KANK1: variants seen among roughly 807,000 people sequenced by gnomAD.
KANK1 encodes KN motif and ankyrin repeat domain-containing protein 1.
A neutral mutation model predicts 106.2 loss-of-function variants in KANK1; 109 were observed. The ratio of observed to expected loss-of-function variants is 1.03; its 90% confidence interval spans 0.88 to 1.20. The LOEUF is 1.20. KANK1 is among the 50% of genes most tolerant of loss of function. KANK1 has a pLI of 0.00. For missense variants in KANK1, 2,399 were observed against 1,710.7 expected (o/e 1.40, Z -7.10); for synonymous variants, 873 against 652.2 (o/e 1.34, Z -5.16).
intron 1 of KANK1, among the ~76,000 whole-genome samples, chr9:576,477 C>T (rs562055304): frequency 6.6e-6 from 1 of 152,344 alleles, no homozygotes; most frequent in East Asian, 1.9e-4. Context: ...ATTTAGCCCT[C>T]ATGCCAATCA....
Position 710,937 on chromosome 9 carries a change from C to A in KANK1, c.171C>A (p.Thr57=), listed in dbSNP as rs573408914. 9 of 1,613,952 alleles carry A rather than the reference C, an allele frequency of 5.6e-6. No homozygotes were observed. In the African/African-American group the frequency reaches 1.2e-4, roughly 22 times the overall value. The change falls in exon 3 of 12, where the codon ACC becomes ACA. Residue 57 remains threonine, a synonymous_variant. Transcript: ENST00000382297. ...TGGATGACATACAGAAGGGAAATAC[C>A]ATCAAAAGACTGAACATCCAGAAGA... ...KYVDDIQKGN[T]IKRLNIQKRR...
At chr9:631,107 T>G (rs1280757502) in intron 1 of KANK1, among the ~76,000 whole-genome samples, 2 of 152,186 alleles carry the variant, frequency 1.3e-5, no homozygotes, top group Non-Finnish European at 2.9e-5. Flanking sequence ...GCTGTTATTG[T>G]TGTTTCTGTT....
At chr9:646,707 T>C (rs1388537426) in intron 1 of KANK1, among the ~76,000 whole-genome samples, 1 of 150,112 alleles carries the variant, frequency 6.7e-6, no homozygotes, top group Non-Finnish European at 1.5e-5. Flanking sequence ...TTTTTTTTTT[T>C]TAAAGACAGT....
chr9:705,146 A>G (rs992631019), intron 2 of KANK1, among the ~76,000 whole-genome samples: 3 of 152,186 alleles, frequency 2.0e-5, no homozygotes, highest in Admixed American at 6.5e-5. Context: ...TATTTAACGA[A>G]CAACTTCTGT....
rs1022414443 is a variant in KANK1, at chr9:604,145, C to G, written c.-83-72745C>G. On this transcript the variant is annotated intron_variant, in intron 1 of 11. Coordinates refer to ENST00000382297, the MANE Select transcript of KANK1 (RefSeq NM_015158.5). ...ATGTTACAGCTGATATTCAAAGTAC[C>G]AAATACGTTATTGTTCTGATTATTC... Among the ~76,000 whole-genome samples, 8 of 151,424 alleles carry G rather than the reference C, an allele frequency of 5.3e-5. 1 individual carries two copies. The highest frequency in any genetic ancestry group is 2.0e-4 in the African/African-American group (8 of 40,878).
chr9:716,592 A>G (rs1207734208), intron 3 of KANK1, among the ~76,000 whole-genome samples: 1 of 152,224 alleles, frequency 6.6e-6, no homozygotes, highest in Non-Finnish European at 1.5e-5. Context: ...TCAAAGCTCA[A>G]AACGAAGTAT....
chr9:641,852 C>T (rs1838520401), intron 1 of KANK1, among the ~76,000 whole-genome samples: 1 of 152,140 alleles, frequency 6.6e-6, no homozygotes. Context: ...GCAGTCCACC[C>T]TTTAAAGTAT....
At chr9:723,842 C>T (rs1829991526) in intron 3 of KANK1, among the ~76,000 whole-genome samples, 1 of 150,250 alleles carries the variant, frequency 6.7e-6, no homozygotes. Context: ...CCTGTAATTC[C>T]AGTACTTTCA....
At chr9:683,732 G>T (rs1285613554) in intron 2 of KANK1, among the ~76,000 whole-genome samples, 1 of 152,056 alleles carries the variant, frequency 6.6e-6, no homozygotes, top group Non-Finnish European at 1.5e-5. Context: ...TCTTAGTATG[G>T]ATTATTTCAA....
chr9:570,803 G>T (rs757220849), intron 1 of KANK1, among the ~76,000 whole-genome samples: 15 of 152,058 alleles, frequency 9.9e-5, no homozygotes, highest in African/African-American at 3.4e-4. Context: ...TTTAAGACCC[G>T]TTGGCTTAGT....
At chr9:719,985 T>A (rs1274550769) in intron 3 of KANK1, among the ~76,000 whole-genome samples, 2 of 152,244 alleles carry the variant, frequency 1.3e-5, no homozygotes, top group Non-Finnish European at 2.9e-5. Context: ...TTCATTATAG[T>A]CATCTCATTT....
At chr9:535,117 G>T (rs1056822455) in intron 1 of KANK1, among the ~76,000 whole-genome samples, 5 of 152,180 alleles carry the variant, frequency 3.3e-5, no homozygotes, top group Non-Finnish European at 5.9e-5. Flanking sequence ...GACTGCAGTG[G>T]GCAAGTTTCC....
intron 1 of KANK1, among the ~76,000 whole-genome samples, chr9:511,818 C>A (rs1217640436): frequency 6.6e-6 from 1 of 152,132 alleles, no homozygotes; most frequent in East Asian, 1.9e-4. Flanking sequence ...GTTTTTAGTT[C>A]TTCTAGTGGT....
rs1825276792 is a variant in KANK1, at chr9:592,729, A to C, written c.-83-84161A>C. 2.0e-5 allele frequency among the ~76,000 whole-genome samples: 3 copies of C among 152,056 alleles called. 1 individual carries two copies. Among genetic ancestry groups the C allele is most frequent in the African/African-American group, 7.3e-5 (3 of 41,320 alleles). On this transcript the variant is annotated intron_variant, in intron 1 of 11. Transcript: ENST00000382297. ...AGTTTGAAATGTGACTTGAGATAGG[A>C]ATTAAAATTAATTTCTTTCCCAAAT...
At chr9:558,005 A>AAAAC (rs957185300) in intron 1 of KANK1, among the ~76,000 whole-genome samples, 1 of 152,194 alleles carries the variant, frequency 6.6e-6, no homozygotes, top group Non-Finnish European at 1.5e-5. Flanking sequence ...ACTCTCTCAA[A>AAAAC]AAACAAACAA....
At chr9:544,961 A>G (rs2060842476) in intron 1 of KANK1, among the ~76,000 whole-genome samples, 1 of 152,124 alleles carries the variant, frequency 6.6e-6, no homozygotes, top group Admixed American at 6.5e-5. Context: ...TGGGTATGTG[A>G]GGATGGCCTG....
intron 1 of KANK1, among the ~76,000 whole-genome samples, chr9:600,408 A>T (rs1827446617): frequency 6.6e-6 from 1 of 151,998 alleles, no homozygotes; most frequent in Middle Eastern, 3.4e-3. Context: ...TTGTAGCATC[A>T]CATTGAGTAA....
Position 648,382 on chromosome 9 carries a change from A to G in KANK1, c.-83-28508A>G, listed in dbSNP as rs555211571. 1.2e-4 allele frequency among the ~76,000 whole-genome samples: 19 copies of G among 152,224 alleles called. No homozygotes were observed. In the South Asian group the frequency reaches 3.9e-3, roughly 32 times the overall value. On this transcript the variant is annotated intron_variant, in intron 1 of 11. Coordinates refer to ENST00000382297, the MANE Select transcript of KANK1 (RefSeq NM_015158.5). Reference sequence around the variant, plus strand: ...TTCTTTAATAGGATCATCTCAACATATTTAAAAACTATGCCGTATATGTAT... The same window carrying G: ...TTCTTTAATAGGATCATCTCAACATGTTTAAAAACTATGCCGTATATGTAT...
chr9:514,048 T>C (rs1400063356), intron 1 of KANK1, among the ~76,000 whole-genome samples: 1 of 151,288 alleles, frequency 6.6e-6, no homozygotes, highest in African/African-American at 2.4e-5. Context: ...ATAAATACTG[T>C]ATTCACCTTT....
Sources: allele counts gnomAD v4.1 joint callset (sites outside exome capture counted in the v4.1 genomes callset), GRCh38; gene constraint gnomAD v4.1.1; transcripts MANE v1.5; gene names NCBI Gene and HGNC (gene_info 2026-07-23, HGNC 2026-07-21).